The following TYW1B variants were observed in gnomAD, a reference collection of about 807,000 sequenced individuals.
TYW1B encodes the protein tRNA-yW synthesizing protein 1 homolog B.
Under a neutral mutation model 86.9 loss-of-function variants are expected in TYW1B, and 73 were observed. That is an observed-to-expected ratio of 0.84 (90% confidence interval 0.70 to 1.02). TYW1B has a LOEUF of 1.02. Ranked by LOEUF, TYW1B falls within the 50% of genes least tolerant of loss-of-function variation. The pLI is 0.00. For missense variants in TYW1B, 637 were observed against 827.4 expected (o/e 0.77, Z 2.82); for synonymous variants, 248 against 292.8 (o/e 0.85, Z 1.56).
intron 7 of TYW1B, among the ~76,000 whole-genome samples, chr7:72,752,347 A>C (rs1585955786): frequency 6.6e-6 from 1 of 152,288 alleles, no homozygotes; most frequent in East Asian, 1.9e-4. Flanking sequence ...AAGAACAAGG[A>C]AATTTTTGTA....
At chr7:72,643,542 G>A (rs567334020) in intron 11 of TYW1B, among the ~76,000 whole-genome samples, 190 of 151,312 alleles carry the variant, frequency 1.3e-3, no homozygotes, top group Admixed American at 2.0e-3. Flanking sequence ...AGCCAAGATC[G>A]CAACACTGCA....
intron 7 of TYW1B, among the ~76,000 whole-genome samples, chr7:72,745,578 G>C (rs1208016933): frequency 1.3e-5 from 2 of 151,902 alleles, no homozygotes. Context: ...GGTAAGATGA[G>C]CTTGATTTCA....
intron 11 of TYW1B, among the ~76,000 whole-genome samples, chr7:72,654,918 T>C (rs1813162262): frequency 6.6e-6 from 1 of 152,130 alleles, no homozygotes; most frequent in South Asian, 2.1e-4. Flanking sequence ...TCATAAATTG[T>C]AACAAATGAA....
chr7:72,757,368 T>C (rs1195377649), intron 7 of TYW1B, among the ~76,000 whole-genome samples: 3 of 71,254 alleles, frequency 4.2e-5, no homozygotes, highest in African/African-American at 1.3e-4. Flanking sequence ...ACTCCGTCTA[T>C]GGAAAAAAAA....
intron 13 of TYW1B, among the ~76,000 whole-genome samples, chr7:72,582,434 G>A (rs1443503504): frequency 6.6e-6 from 1 of 152,188 alleles, no homozygotes; most frequent in Non-Finnish European, 1.5e-5. Flanking sequence ...AACCTCAAAG[G>A]GGGAATAGTT....
At chr7:72,601,922 G>A (rs1811676743) in intron 13 of TYW1B, among the ~76,000 whole-genome samples, 1 of 152,150 alleles carries the variant, frequency 6.6e-6, no homozygotes, top group African/African-American at 2.4e-5. Flanking sequence ...AAGAGGAAGT[G>A]CAGGGGCATT....
At chr7:72,732,164 T>TA (rs1439704586) in intron 8 of TYW1B, among the ~76,000 whole-genome samples, 7 of 152,164 alleles carry the variant, frequency 4.6e-5, no homozygotes, top group African/African-American at 1.7e-4. Flanking sequence ...ATGGGAAAGA[T>TA]AGACTCTACT....
chr7:72,641,226 G>C (rs556056532), intron 11 of TYW1B, among the ~76,000 whole-genome samples: 1 of 151,822 alleles, frequency 6.6e-6, no homozygotes, highest in African/African-American at 2.4e-5. Context: ...ATGGACAATC[G>C]GAACAGACCT....
chr7:72,576,060 T>A (rs1163800505), intron 13 of TYW1B, among the ~76,000 whole-genome samples: 6 of 152,248 alleles, frequency 3.9e-5, no homozygotes, highest in African/African-American at 1.2e-4. Flanking sequence ...TTCCTGCTGT[T>A]GCCGCTTTTG....
At chr7:72,632,505 T>G (rs1359374740) in intron 11 of TYW1B, among the ~76,000 whole-genome samples, 1 of 114,316 alleles carries the variant, frequency 8.7e-6, no homozygotes, top group African/African-American at 3.6e-5. Context: ...TACATATATA[T>G]TATATATATT....
chr7:72,677,234 G>C (rs1207031873), intron 11 of TYW1B, among the ~76,000 whole-genome samples: 1 of 151,880 alleles, frequency 6.6e-6, no homozygotes, highest in Non-Finnish European at 1.5e-5. Flanking sequence ...CTGCAGCCTC[G>C]GCCTCTTGAG....
chr7:72,783,701 G>T (rs1261335364), intron 6 of TYW1B, among the ~76,000 whole-genome samples: 1 of 152,194 alleles, frequency 6.6e-6, no homozygotes, highest in Non-Finnish European at 1.5e-5. Flanking sequence ...AAAGCAGCGT[G>T]CCCAAGCACG....
chr7:72,647,953 TG>T (rs1384922624), intron 11 of TYW1B, among the ~76,000 whole-genome samples: 30 of 152,142 alleles, frequency 2.0e-4, no homozygotes, highest in African/African-American at 5.8e-4. Context: ...CCCAAAATGC[TG>T]GGATTACAGG....
At chr7:72,814,761 C>CA (rs1554479055) in intron 3 of TYW1B, among the ~76,000 whole-genome samples, 2 of 150,390 alleles carry the variant, frequency 1.3e-5, no homozygotes, top group Admixed American at 6.6e-5. Context: ...AAAATAAATT[C>CA]AAAAAAAATA....
rs1239640717 is a variant in TYW1B at position 72,632,285 on chromosome 7, GTA to G, written c.1507-3290_1507-3289del. Among the ~76,000 whole-genome samples, 42 of 83,522 alleles carry G rather than the reference GTA, an allele frequency of 5.0e-4. 4 individuals are homozygous for G. Among genetic ancestry groups the G allele is most frequent in the African/African-American group, 2.5e-3 (35 of 13,840 alleles). 54.8% of individuals were successfully genotyped at this position (83,522 alleles called of 152,430 possible). A position where few individuals can be genotyped will look rare whatever the true frequency, so the allele number is the denominator to read the frequency against. On this transcript the variant is annotated intron_variant, in intron 11 of 13. Transcript: ENST00000620995. The stretch of plus-strand genomic sequence containing the variant: ...AAAAAATATATATATATATATACGT[GTA>G]TATATATATATACGTGTATATATAT...
rs1403347145 is a variant in TYW1B, at chr7:72,699,866, T to C, written c.1371-5044A>G. Among the ~76,000 whole-genome samples the C allele has an allele frequency of 3.3e-5, 5 of 152,176 alleles. No individual in the cohort carries two copies. The South Asian group carries it at 6.2e-4, about 19-fold the overall frequency. ...GGTTTCGCCATGTTGGCCAGGCTGG[T>C]CTTAAACTCTTGGCCTCAGGTGATC... is the stretch of plus-strand genomic sequence containing the variant. On this transcript the variant is annotated intron_variant, in intron 10 of 13. Transcript: ENST00000620995.
chr7:72,738,084 C>A (rs1472137636), intron 8 of TYW1B, among the ~76,000 whole-genome samples: 5 of 69,490 alleles, frequency 7.2e-5, no homozygotes, highest in African/African-American at 2.4e-4. Context: ...ATATTTCTTT[C>A]TTTCTTTTTT....
chr7:72,828,178 G>C lies in TYW1B; in HGVS notation c.-103C>G. 1.9e-6 allele frequency: 3 copies of C among 1,573,436 alleles called. No individual in the cohort carries two copies. The highest frequency in any genetic ancestry group is 2.6e-6 in the Non-Finnish European group (3 of 1,157,758). On this transcript the variant is annotated 5_prime_UTR_variant, in exon 1 of 14. Transcript: ENST00000620995. ...CGAGCTACCTCGCGGCGTTAGCGCC[G>C]TACCGAGTGGCTGCAGAACTGTGGG...
chr7:72,770,073 GA>G (rs58212815), intron 7 of TYW1B, among the ~76,000 whole-genome samples: 41 of 121,462 alleles, frequency 3.4e-4, no homozygotes, highest in East Asian at 2.9e-3. Flanking sequence ...ACTCTGTCTC[GA>G]AAAAAAAAAA....
Sources: gnomAD v4.1 joint callset for allele counts (sites outside exome capture counted in the v4.1 genomes callset) on GRCh38, gnomAD v4.1.1 for gene constraint, MANE v1.5 for transcripts, NCBI Gene and HGNC (gene_info 2026-07-23, HGNC 2026-07-21) for gene names.